EHBP1: variants seen among roughly 807,000 people sequenced by gnomAD.
EHBP1 encodes the protein EH domain binding protein 1, also known as EH domain-binding protein 1.
In EHBP1, 55 loss-of-function variants were observed where a neutral mutation model predicts 144.0. That is an observed-to-expected ratio of 0.38 (90% confidence interval 0.31 to 0.48). The LOEUF (loss-of-function observed/expected upper bound fraction) is 0.48, where lower values mean the gene tolerates loss of function less well. Ranked by LOEUF, EHBP1 falls within the 20% of genes least tolerant of loss-of-function variation. The pLI is 0.98. For synonymous variants in EHBP1, 469 were observed against 472.7 expected (o/e 0.99, Z 0.10); for missense variants, 1,200 against 1,364.2 (o/e 0.88, Z 1.90).
At chr2:62,935,340 A>ATAT (rs1351369931) in intron 10 of EHBP1, among the ~76,000 whole-genome samples, 1 of 138,584 alleles carries the variant, frequency 7.2e-6, no homozygotes, top group Admixed American at 7.4e-5. Context: ...AAAAAAAAAA[A>ATAT]AAAAATATAT....
chr2:62,869,936 A>G (rs950000147), intron 9 of EHBP1, among the ~76,000 whole-genome samples: 3 of 152,174 alleles, frequency 2.0e-5, no homozygotes, highest in Admixed American at 2.0e-4. Flanking sequence ...GACGGGAGAG[A>G]TCTTTAAAAT....
intron 1 of EHBP1, among the ~76,000 whole-genome samples, chr2:62,694,230 A>G (rs2034004653): frequency 6.6e-6 from 1 of 152,204 alleles, no homozygotes; most frequent in African/African-American, 2.4e-5. Flanking sequence ...CTAGATTGCC[A>G]TTGAAGTTAT....
At position 62,948,710 on chromosome 2, in the gene EHBP1, C is replaced by A. The variant is rs377407567; in HGVS notation, c.1864C>A (p.Gln622Lys). 15 of 1,613,936 alleles carry A rather than the reference C, an allele frequency of 9.3e-6. No individual in the cohort carries two copies. The African/African-American group carries it at 2.0e-4, about 22-fold the overall frequency. ...AAGTGACACAGAACCCCAGAAGTCT[C>A]AGCAGAGCTCTGGAAGGACTTCAGG... is the stretch of plus-strand genomic sequence containing the variant. ...TKSDTEPQKS[Q>K]QSSGRTSGSD... The change falls in exon 13 of 23, where the codon CAG becomes AAG. Residue 622 changes from glutamine to lysine, a missense_variant. Around this residue, in one of 6 missense-constraint regions of EHBP1, gnomAD observed 543 missense variants for 513.1 expected, o/e 1.06. Transcript: ENST00000431489.
chr2:62,980,911 A>T (rs1428537029), intron 15 of EHBP1, among the ~76,000 whole-genome samples: 23 of 148,644 alleles, frequency 1.5e-4, no homozygotes, highest in South Asian at 4.2e-4. Context: ...TAAAAAAAAA[A>T]TTTTTTTTAA....
intron 19 of EHBP1, among the ~76,000 whole-genome samples, chr2:63,013,477 T>C (rs936231784): frequency 5.9e-5 from 9 of 152,158 alleles, no homozygotes; most frequent in Admixed American, 3.3e-4. Flanking sequence ...CCACAATGCA[T>C]TGTGCAAACC....
At chr2:62,843,769 T>C (rs1229643443) in intron 7 of EHBP1, among the ~76,000 whole-genome samples, 3 of 152,190 alleles carry the variant, frequency 2.0e-5, no homozygotes, top group Non-Finnish European at 4.4e-5. Flanking sequence ...TTTATTGAAA[T>C]TTAATGCATT....
intron 10 of EHBP1, among the ~76,000 whole-genome samples, chr2:62,888,296 A>C (rs1056455202): frequency 3.3e-5 from 5 of 152,172 alleles, no homozygotes; most frequent in Non-Finnish European, 7.4e-5. Context: ...AACTCAAAGA[A>C]CCAGTAACGC....
At chr2:62,752,557 C>G (rs1027385809) in intron 3 of EHBP1, among the ~76,000 whole-genome samples, 4 of 152,128 alleles carry the variant, frequency 2.6e-5, no homozygotes, top group Non-Finnish European at 5.9e-5. Flanking sequence ...TCTCGTTGAT[C>G]TGTCTAATGT....
At chr2:62,783,384 G>A (rs2042579744) in intron 5 of EHBP1, among the ~76,000 whole-genome samples, 1 of 152,250 alleles carries the variant, frequency 6.6e-6, no homozygotes, top group Non-Finnish European at 1.5e-5. Flanking sequence ...GGGACTCTGT[G>A]TAGGGGCTCC....
intron 7 of EHBP1, among the ~76,000 whole-genome samples, chr2:62,832,482 C>T (rs1312791839): frequency 6.9e-6 from 1 of 145,586 alleles, no homozygotes; most frequent in African/African-American, 2.6e-5. Context: ...TTTGGCAACC[C>T]TACATTGAGC....
chr2:62,684,700 A>G (rs1046020667), intron 1 of EHBP1, among the ~76,000 whole-genome samples: 2 of 152,362 alleles, frequency 1.3e-5, no homozygotes, highest in African/African-American at 2.4e-5. Context: ...AAGCCCATCA[A>G]TGGCTTAGAA....
chr2:62,936,815 A>C (rs2056417352), intron 10 of EHBP1, among the ~76,000 whole-genome samples: 1 of 152,238 alleles, frequency 6.6e-6, no homozygotes, highest in Non-Finnish European at 1.5e-5. Flanking sequence ...ACCAATATAA[A>C]TGTAAGTGTT....
chr2:62,741,604 C>A (rs1294821450), intron 2 of EHBP1, among the ~76,000 whole-genome samples: 1 of 152,006 alleles, frequency 6.6e-6, no homozygotes, highest in African/African-American at 2.4e-5. Flanking sequence ...TTAGTGCAGT[C>A]CCTTCATTTG....
chr2:62,681,211 C>T (rs1346808994), intron 1 of EHBP1, among the ~76,000 whole-genome samples: 2 of 150,416 alleles, frequency 1.3e-5, no homozygotes, highest in Non-Finnish European at 3.0e-5. Flanking sequence ...TACTCGGAGG[C>T]AGGAGAATCG....
chr2:62,828,506 G>T (rs1299079635), intron 6 of EHBP1, among the ~76,000 whole-genome samples: 2 of 151,922 alleles, frequency 1.3e-5, no homozygotes, highest in African/African-American at 4.8e-5. Context: ...TTTTTATCTT[G>T]TAGCTCTTAA....
At chr2:63,031,822 G>A (rs910757953) in intron 19 of EHBP1, among the ~76,000 whole-genome samples, 5 of 152,076 alleles carry the variant, frequency 3.3e-5, no homozygotes, top group African/African-American at 1.2e-4. Context: ...CCAGCAACAC[G>A]AGAGGCTGAG....
chr2:62,891,715 A>G (rs541213022), intron 10 of EHBP1, among the ~76,000 whole-genome samples: 1 of 152,266 alleles, frequency 6.6e-6, no homozygotes, highest in South Asian at 2.1e-4. Flanking sequence ...TATTATCATT[A>G]AAGGTGTGTT....
chr2:62,841,874 G>T (rs563955347), intron 7 of EHBP1, among the ~76,000 whole-genome samples: 4 of 152,050 alleles, frequency 2.6e-5, no homozygotes, highest in Admixed American at 2.6e-4. Flanking sequence ...TAGTTTGCTT[G>T]GGCTGCTGTA....
intron 19 of EHBP1, among the ~76,000 whole-genome samples, chr2:63,029,451 G>C (rs961779477): frequency 6.7e-6 from 1 of 149,054 alleles, no homozygotes; most frequent in African/African-American, 2.5e-5. Flanking sequence ...TAGATTATGC[G>C]GCCTTTGAGG....
Sources: gnomAD v4.1 joint callset for allele counts (sites outside exome capture counted in the v4.1 genomes callset) on GRCh38, gnomAD v4.1.1 for gene constraint, gnomAD v4.1.1 regional missense constraint, MANE v1.5 for transcripts, NCBI Gene and HGNC (gene_info 2026-07-23, HGNC 2026-07-21) for gene names.